Variants in FAM186A observed in about 807,000 individuals in gnomAD.
FAM186A encodes the protein protein FAM186A.
A neutral mutation model predicts 216.8 loss-of-function variants in FAM186A; 163 were observed. The observed-to-expected ratio is 0.75, with a 90% confidence interval of 0.66 to 0.86. The LOEUF (loss-of-function observed/expected upper bound fraction) is 0.86. Among genes scored for constraint, FAM186A ranks in the 40% least tolerant of loss-of-function variants. FAM186A has a pLI of 0.00. For synonymous variants in FAM186A, 805 were observed against 1,025.3 expected, an observed-to-expected ratio of 0.79 and a Z score of 4.10; for missense variants, 2,184 against 2,746.2, an observed-to-expected ratio of 0.80 and a Z score of 4.58.
rs1205941504 is a variant in FAM186A, at chr12:50,383,869, C to T, written c.192+12424G>A. Among the ~76,000 whole-genome samples the T allele has an allele frequency of 3.3e-5, 5 of 152,236 alleles. No homozygotes were observed. In the East Asian group the frequency reaches 9.7e-4, roughly 29 times the overall value. On this transcript the variant is annotated intron_variant, in intron 1 of 7. Transcript: ENST00000327337. ...GCGCAGTAGTTCATGCCTGTAATCC[C>T]AGCACTTTGGGAGGCCGAGGCAGGC... is the stretch of plus-strand genomic sequence containing the variant.
chr12:50,344,670 T>G (rs529376724), intron 4 of FAM186A, among the ~76,000 whole-genome samples: 1 of 152,186 alleles, frequency 6.6e-6, no homozygotes, highest in East Asian at 1.9e-4. Flanking sequence ...TATTTTAAGT[T>G]CTTCGAGAAA....
In FAM186A at chr12:50,342,242, GT is replaced by G. The variant is rs1456960775; in HGVS notation, c.6503+8086del. Reference sequence around the variant, plus strand: ...AATTGCTTGAACCTGGGAGGCAGAGGTTGCAGTGAGCTGAGATCATGCCACT... The same window carrying G: ...AATTGCTTGAACCTGGGAGGCAGAGGTGCAGTGAGCTGAGATCATGCCACT... On this transcript the variant is annotated intron_variant, in intron 4 of 7. Coordinates refer to ENST00000327337, the MANE Select transcript of FAM186A (RefSeq NM_001145475.3). Among the ~76,000 whole-genome samples, 269 of 151,640 alleles carry G rather than the reference GT, an allele frequency of 1.8e-3. 1 individual carries two copies. The highest frequency in any genetic ancestry group is 6.2e-3 in the African/African-American group (255 of 41,432).
chr12:50,366,663 T>C (rs2136099358), intron 1 of FAM186A, among the ~76,000 whole-genome samples: 1 of 134,568 alleles, frequency 7.4e-6, no homozygotes, highest in South Asian at 2.3e-4. Context: ...ATCATCACAA[T>C]TGATACAGAA....
intron 1 of FAM186A, among the ~76,000 whole-genome samples, chr12:50,379,473 CA>C (rs1443700534): frequency 1.2e-5 from 1 of 83,372 alleles, no homozygotes; most frequent in African/African-American, 4.4e-5. Context: ...GAGGGAAAAA[CA>C]AAAACAAAAA....
chr12:50,361,526 T>G (rs997422561), intron 2 of FAM186A, among the ~76,000 whole-genome samples: 1 of 149,116 alleles, frequency 6.7e-6, no homozygotes, highest in Non-Finnish European at 1.5e-5. Context: ...ATATTGGAGA[T>G]CTAAGCCCCA....
rs529424307 is a variant in FAM186A at position 50,351,992 on chromosome 12, G to T, written c.4840C>A (p.Pro1614Thr). 2,095 of 1,515,580 alleles carry T rather than the reference G, an allele frequency of 1.4e-3. 10 individuals carry two copies. Among genetic ancestry groups the T allele is most frequent in the Non-Finnish European group, 1.5e-3 (1,710 of 1,122,952 alleles). 93.9% of individuals were successfully genotyped at this position (1,515,580 alleles called of 1,614,324 possible). The change falls in exon 4 of 8, where the codon CCT becomes ACT. Residue 1614 changes from proline (P) to threonine (T), a missense_variant. By Grantham distance (38) the Pro-to-Thr change is conservative. Coordinates refer to ENST00000327337, the MANE Select transcript of FAM186A (RefSeq NM_001145475.3). ...TPQQAQAQGI[P>T]LTPQQAQALG... ...GCCTGGGCCTGCTGAGGGGTGAGAG[G>T]GATCCCCTGAGCCTGCGCCTGCTGA...
intron 1 of FAM186A, among the ~76,000 whole-genome samples, chr12:50,390,945 C>A (rs1002457854): frequency 6.6e-6 from 1 of 152,072 alleles, no homozygotes; most frequent in Non-Finnish European, 1.5e-5. Flanking sequence ...CCACTTTGGA[C>A]TCCCAAAGTG....
In FAM186A at chr12:50,352,793, A is replaced by C; in HGVS notation, c.4039T>G (p.Leu1347Val). 7.7e-7 allele frequency: 1 copy of C among 1,295,014 alleles called. No homozygotes were observed. Among genetic ancestry groups the C allele is most frequent in the Non-Finnish European group, 1.0e-6 (1 of 1,001,518 alleles). The allele number at this position is 1,295,014 out of a possible 1,614,324, so 80.2% of individuals were successfully genotyped here. A position where few individuals can be genotyped will look rare whatever the true frequency, so the allele number is the denominator to read the frequency against. Residue 1347 changes from leucine to valine, a missense_variant, in exon 4 of 8, where the codon TTG becomes GTG. Coordinates refer to ENST00000327337, the MANE Select transcript of FAM186A (RefSeq NM_001145475.3). ...TGCTGAGTGGTGAGAGGCATCCCCAAGGCCTGGGCCTGCTGAGGGGTGAGA... is the reference window on the plus strand; with the variant it reads ...TGCTGAGTGGTGAGAGGCATCCCCACGGCCTGGGCCTGCTGAGGGGTGAGA... ...ITLTPQQAQA[L>V]GMPLTTQQAQ...
Position 50,379,439 on chromosome 12 carries a change from C to CA in FAM186A, c.193-16076dup, listed in dbSNP as rs35400647. 8.3e-5 allele frequency among the ~76,000 whole-genome samples: 8 copies of CA among 96,900 alleles called. 1 individual carries two copies. Among genetic ancestry groups the CA allele is most frequent in the East Asian group, 2.9e-4 (1 of 3,498 alleles). The allele number at this position is 96,900 out of a possible 152,430, so 63.6% of individuals were successfully genotyped here. A position where few individuals can be genotyped will look rare whatever the true frequency, so the allele number is the denominator to read the frequency against. ...TGGTCAACAGAGCGAGACTCCCTCTCAAAAAAAAAAAGAAAGAAAAAAAGA... is the reference window on the plus strand; with the variant it reads ...TGGTCAACAGAGCGAGACTCCCTCTCAAAAAAAAAAAAGAAAGAAAAAAAGA... On this transcript the variant is annotated intron_variant, in intron 1 of 7. Transcript: ENST00000327337.
intron 1 of FAM186A, among the ~76,000 whole-genome samples, chr12:50,394,043 T>C (rs1943388904): frequency 6.6e-6 from 1 of 151,972 alleles, no homozygotes; most frequent in South Asian, 2.1e-4. Flanking sequence ...CTCAGCCTCC[T>C]GAGTAGCTGG....
At position 50,333,948 on chromosome 12, in the gene FAM186A, T is replaced by A. The variant is rs541026110; in HGVS notation, c.6659A>T (p.Asn2220Ile). 24 of 1,551,320 alleles carry A rather than the reference T, an allele frequency of 1.5e-5. No individual in the cohort carries two copies. Among genetic ancestry groups the A allele is most frequent in the Non-Finnish European group, 2.0e-5 (23 of 1,146,946 alleles). The change falls in exon 5 of 8, where the codon AAT (asparagine) becomes ATT (isoleucine). Residue 2220 changes from asparagine (N) to isoleucine (I), a missense_variant. Asn to Ile is a moderately radical substitution (Grantham distance 149). Transcript: ENST00000327337. ...GTGTATCATTTTCTTCAGGCACTGATTCCGTTTCTGCCCTAGAGACTTCTG... is the reference window on the plus strand; with the variant it reads ...GTGTATCATTTTCTTCAGGCACTGAATCCGTTTCTGCCCTAGAGACTTCTG... ...EKQKSLGQKR[N>I]QCLKKMIHVF...
intron 1 of FAM186A, among the ~76,000 whole-genome samples, chr12:50,363,757 T>G (rs1433304369): frequency 6.4e-5 from 2 of 31,270 alleles, no homozygotes; most frequent in African/African-American, 1.3e-4. Context: ...AAGCTGTAGC[T>G]GCTAAAAAAA....
rs778630050 is a variant in FAM186A, at chr12:50,363,324, T to C, written c.233A>G (p.His78Arg). 5.8e-6 allele frequency: 9 copies of C among 1,551,184 alleles called. No individual in the cohort carries two copies. The highest frequency in any genetic ancestry group is 7.8e-6 in the Non-Finnish European group (9 of 1,146,932). ...MQLSEIMNNVHRIMTRYTLVF... is the reference protein window; with the variant it reads ...MQLSEIMNNVRRIMTRYTLVF... ...AAGAGTATAGCGAGTCATTATCCGA[T>C]GCACATTGTTCATTATTTCACTCAG... The change falls in exon 2 of 8, where the codon CAT becomes CGT. Residue 78 changes from histidine (H) to arginine (R), a missense_variant. His to Arg is a conservative substitution (Grantham distance 29). Around this residue, in one of 7 missense-constraint regions of FAM186A, gnomAD observed 1,132 missense variants for 1,263.4 expected, o/e 0.90. Coordinates refer to ENST00000327337, the MANE Select transcript of FAM186A (RefSeq NM_001145475.3).
intron 7 of FAM186A, 128 bp downstream of exon 7, chr12:50,330,445 G>T: frequency 1.1e-6 from 1 of 936,280 alleles, no homozygotes; most frequent in Non-Finnish European, 1.6e-6. Flanking sequence ...ACTGGTGTGA[G>T]TCTAACCTCA....
Position 50,351,057 on chromosome 12 carries a change from A to G in FAM186A, c.5775T>C (p.Pro1925=). The part of the protein sequence containing the change: ...LPGRASSLWI[P]PTSRHPPTLW... ...GTGTGGGAGGATGTCTAGAGGTGGG[A>G]GGGATCCATAATGAAGAAGCTCGCC... is the stretch of plus-strand genomic sequence containing the variant. Residue 1925 remains proline, a synonymous_variant, in exon 4 of 8, where the codon CCT becomes CCC. Coordinates refer to ENST00000327337, the MANE Select transcript of FAM186A (RefSeq NM_001145475.3). The G allele has an allele frequency of 6.4e-7, 1 of 1,551,440 alleles. No individual in the cohort carries two copies. Among genetic ancestry groups the G allele is most frequent in the Non-Finnish European group, 8.7e-7 (1 of 1,146,946 alleles).
chr12:50,359,488 A>G (rs1943011396), intron 3 of FAM186A, among the ~76,000 whole-genome samples: 2 of 152,222 alleles, frequency 1.3e-5, no homozygotes, highest in South Asian at 2.1e-4. Context: ...AAAATGGTAC[A>G]GTCACTTTGG....
rs1370500553 is a variant in FAM186A at position 50,355,863 on chromosome 12, T to G, written c.969A>C (p.Ala323=). 2.2e-5 allele frequency: 34 copies of G among 1,551,176 alleles called. No homozygotes were observed. In the East Asian group the frequency reaches 7.1e-4, roughly 32 times the overall value. ...GAATAAGTTGTTCACATTTTTCTTC[T>G]GCATCTTGAAGTTTCTGCTGAAGCA... ...NEMLQQKLQD[A]EEKCEQLIRS... The change falls in exon 4 of 8, where the codon GCA becomes GCC. Residue 323 remains alanine (A), a synonymous_variant. Transcript: ENST00000327337.
chr12:50,393,147 C>G (rs12308695), intron 1 of FAM186A, among the ~76,000 whole-genome samples: 5 of 151,686 alleles, frequency 3.3e-5, no homozygotes, highest in African/African-American at 1.2e-4. Flanking sequence ...AGAATGGTCT[C>G]GATCTCCCGA....
At chr12:50,386,198 G>A (rs1037035304) in intron 1 of FAM186A, among the ~76,000 whole-genome samples, 2 of 152,112 alleles carry the variant, frequency 1.3e-5, no homozygotes, top group African/African-American at 2.4e-5. Context: ...GGAGGCCAAG[G>A]TGGGTGGATC....
Sources: gnomAD v4.1 joint callset for allele counts (sites outside exome capture counted in the v4.1 genomes callset) on GRCh38, gnomAD v4.1.1 for gene constraint, gnomAD v4.1.1 regional missense constraint, MANE v1.5 for transcripts, NCBI Gene and HGNC (gene_info 2026-07-23, HGNC 2026-07-21) for gene names.